MINAR1: variants seen among roughly 807,000 people sequenced by gnomAD.
The protein encoded by MINAR1 is membrane integral NOTCH2 associated receptor 1.
Under a neutral mutation model 65.1 loss-of-function variants are expected in MINAR1, and 40 were observed. That is an observed-to-expected ratio of 0.61 (90% CI 0.48 to 0.80). The LOEUF is 0.80. Ranked by LOEUF, MINAR1 falls within the 30% of genes least tolerant of loss-of-function variation. MINAR1 has a pLI of 0.00. For synonymous variants in MINAR1, 482 were observed against 449.1 expected, an observed-to-expected ratio of 1.07 and a Z score of -0.93; for missense variants, 1,128 against 1,148.0, an observed-to-expected ratio of 0.98 and a Z score of 0.25.
rs1207052827 is a variant in MINAR1, at chr15:79,468,311, C to G, written c.2678C>G (p.Ala893Gly). 3 of 1,613,976 alleles carry G rather than the reference C, an allele frequency of 1.9e-6. No homozygotes were observed. In the African/African-American group the frequency reaches 4.0e-5, roughly 22 times the overall value. Residue 893 changes from alanine (A) to glycine (G), a missense_variant, in exon 4 of 4, where the codon GCT (alanine) becomes GGT (glycine). Coordinates refer to ENST00000305428, the MANE Select transcript of MINAR1 (RefSeq NM_015206.3). ...AGACGAGCCAAGGTCTGCAAGATAG[C>G]TGCTCTGATCGCTGCTGCGGCATGC... ...EFRRAKVCKI[A>G]ALIAAAACTV... is the part of the protein sequence containing the mutation.
chr15:79,460,347 C>T lies in MINAR1; in HGVS notation c.2298+1902C>T, dbSNP rs113364917. 8.4e-3 allele frequency among the ~76,000 whole-genome samples: 1,286 copies of T among 152,258 alleles called. 27 individuals carry two copies. The highest frequency in any genetic ancestry group is 0.029 in the African/African-American group (1,201 of 41,540). ...ATGTCAAAATCTACAGTTCCCAAAG[C>T]AGGCTTTTCTGTTCCTTTAAAAACA... On this transcript the variant is annotated intron_variant, in intron 2 of 3. Coordinates refer to ENST00000305428, the MANE Select transcript of MINAR1 (RefSeq NM_015206.3).
At position 79,458,402 on chromosome 15, in the gene MINAR1, C is replaced by T. The variant is rs769358600; in HGVS notation, c.2255C>T (p.Thr752Ile). ...CTCAATGAGGAGGAGATAAAAGACACAGGCCCAGGAGATAATAAAGACTGG... is the reference window on the plus strand; with the variant it reads ...CTCAATGAGGAGGAGATAAAAGACATAGGCCCAGGAGATAATAAAGACTGG... ...VGLNEEEIKD[T>I]GPGDNKDWHR... The change falls in exon 2 of 4, where the codon ACA becomes ATA. Residue 752 changes from threonine to isoleucine, a missense_variant. Transcript: ENST00000305428. The T allele has an allele frequency of 5.0e-6, 8 of 1,613,964 alleles. No individual in the cohort carries two copies. In the African/African-American group the frequency reaches 1.1e-4, roughly 22 times the overall value.
chr15:79,431,821 C>T (rs1203921782), upstream of MINAR1, among the ~76,000 whole-genome samples: 1 of 152,224 alleles, frequency 6.6e-6, no homozygotes, highest in African/African-American at 2.4e-5. Context: ...CGCTCGCTTT[C>T]CCCTCGGCGC....
Position 79,458,059 on chromosome 15 carries a change from G to A in MINAR1, c.1912G>A (p.Glu638Lys), listed in dbSNP as rs1463782458. Residue 638 changes from glutamate to lysine, a missense_variant, in exon 2 of 4, where the codon GAG becomes AAG. Glu to Lys is a moderately conservative substitution (Grantham distance 56, BLOSUM62 1). Transcript: ENST00000305428. ...ATTGGACCAGAAAATGCAACAGCCT[G>A]AGAAGGTGAGTGTGCAGATAGATCT... ...NKLDQKMQQP[E>K]KVSVQIDLNS... 1 of 1,614,196 alleles carries A rather than the reference G, an allele frequency of 6.2e-7. No homozygotes were observed. Among genetic ancestry groups the A allele is most frequent in the South Asian group, 1.1e-5 (1 of 91,084 alleles).
intron 2 of MINAR1, among the ~76,000 whole-genome samples, chr15:79,460,315 T>G (rs1274343428): frequency 6.6e-6 from 1 of 152,184 alleles, no homozygotes; most frequent in East Asian, 1.9e-4. Context: ...CTAAATGTCT[T>G]GCCTACATGT....
At chr15:79,451,256 G>C (rs1895188590) in intron 1 of MINAR1, among the ~76,000 whole-genome samples, 1 of 152,180 alleles carries the variant, frequency 6.6e-6, no homozygotes, top group African/African-American at 2.4e-5. Flanking sequence ...TAGGGTAGGG[G>C]AGGCCAGGTC....
At chr15:79,433,053 C>T (rs1037721182) in intron 1 of MINAR1, among the ~76,000 whole-genome samples, 1 of 152,154 alleles carries the variant, frequency 6.6e-6, no homozygotes, top group African/African-American at 2.4e-5. Context: ...TTGTTCTTCC[C>T]GAGGGTTTGA....
At chr15:79,439,370 G>GGT (rs1183385160) in intron 1 of MINAR1, among the ~76,000 whole-genome samples, 1 of 131,476 alleles carries the variant, frequency 7.6e-6, no homozygotes, top group African/African-American at 3.0e-5. Context: ...ATGTGGGTGG[G>GGT]GTAGGCAGTG....
At chr15:79,423,026 T>G in the MINAR1 span, 1 of 152,274 alleles carries the variant, frequency 6.6e-6, no homozygotes. Context: ...TGTTCAAGTC[T>G]GTTAATTGTA....
At chr15:79,449,200 A>T (rs975074134) in intron 1 of MINAR1, among the ~76,000 whole-genome samples, 1 of 152,176 alleles carries the variant, frequency 6.6e-6, no homozygotes. Flanking sequence ...GGGCTAAGAC[A>T]ATATGGATCC....
chr15:79,457,382 C>G lies in MINAR1; in HGVS notation c.1235C>G (p.Pro412Arg). 1 of 1,614,188 alleles carries G rather than the reference C, an allele frequency of 6.2e-7. No individual in the cohort carries two copies. The highest frequency in any genetic ancestry group is 8.5e-7 in the Non-Finnish European group (1 of 1,180,040). The change falls in exon 2 of 4, where the codon CCA becomes CGA. Residue 412 changes from proline to arginine, a missense_variant. By Grantham distance (103) the Pro-to-Arg change is moderately radical (BLOSUM62 -2). Coordinates refer to ENST00000305428, the MANE Select transcript of MINAR1 (RefSeq NM_015206.3). ...AATTTCCCAGCCCCAGAAAGGCGCC[C>G]AACTTACCTTGTGCCAAAGGATCAA... ...TPNFPAPERR[P>R]TYLVPKDQQP...
At chr15:79,466,098 G>A (rs967237070) in intron 3 of MINAR1, among the ~76,000 whole-genome samples, 2 of 151,714 alleles carry the variant, frequency 1.3e-5, no homozygotes, top group Non-Finnish European at 1.5e-5. Flanking sequence ...CTGCACAATA[G>A]GGACTTTTCC....
chr15:79,434,231 A>G (rs1251625217), intron 1 of MINAR1, among the ~76,000 whole-genome samples: 1 of 152,240 alleles, frequency 6.6e-6, no homozygotes, highest in Non-Finnish European at 1.5e-5. Context: ...GAAGGCAGAC[A>G]AAAGGTTTTG....
At chr15:79,422,656 G>T in the MINAR1 span, 1 of 151,950 alleles carries the variant, frequency 6.6e-6, no homozygotes, top group Non-Finnish European at 1.5e-5. Context: ...AATGGCAAAT[G>T]AAGAACATTC....
the MINAR1 span, chr15:79,424,519 ATAAC>A: frequency 6.6e-6 from 1 of 152,358 alleles, no homozygotes; most frequent in South Asian, 2.1e-4. Context: ...TCATGATAAA[ATAAC>A]AAATAAACCA....
intron 3 of MINAR1, among the ~76,000 whole-genome samples, chr15:79,465,432 G>A (rs1895804604): frequency 7.2e-6 from 1 of 138,928 alleles, no homozygotes. Flanking sequence ...GTGTTTGCCA[G>A]GGCTAATTAA....
chr15:79,446,912 A>G (rs554847289), intron 1 of MINAR1, among the ~76,000 whole-genome samples: 1 of 152,214 alleles, frequency 6.6e-6, no homozygotes, highest in Admixed American at 6.5e-5. Flanking sequence ...TTTGAGACAG[A>G]GTCTCACTCT....
At chr15:79,423,601 T>G in the MINAR1 span, 8 of 152,414 alleles carry the variant, frequency 5.2e-5, no homozygotes, top group African/African-American at 1.9e-4. Flanking sequence ...TTTCTTGGCA[T>G]CTGCCTTTCC....
chr15:79,421,457 A>C, the MINAR1 span: 2 of 152,226 alleles, frequency 1.3e-5, no homozygotes, highest in African/African-American at 4.8e-5. Context: ...TTGCCACTGC[A>C]CCTACCTGAA....
Sources: gnomAD v4.1 joint callset for allele counts (sites outside exome capture counted in the v4.1 genomes callset) on GRCh38, gnomAD v4.1.1 for gene constraint, MANE v1.5 for transcripts, NCBI Gene and HGNC (gene_info 2026-07-23, HGNC 2026-07-21) for gene names.